Variants in TMC1 observed in about 807,000 individuals in gnomAD.
TMC1 encodes the protein transmembrane channel like 1, also known as transmembrane channel-like protein 1.
Under a neutral mutation model 105.8 loss-of-function variants are expected in TMC1, and 84 were observed. The ratio of observed to expected loss-of-function variants is 0.79; its 90% CI spans 0.67 to 0.95. TMC1 has a LOEUF of 0.95. Ranked by LOEUF, TMC1 falls within the 40% of genes least tolerant of loss-of-function variation. The pLI is 0.00. For missense variants in TMC1, 817 were observed against 914.1 expected (o/e 0.89, Z 1.37); for synonymous variants, 315 against 311.5 (o/e 1.01, Z -0.12).
At chr9:72,602,348 G>A (rs1285988960) in intron 2 of TMC1, among the ~76,000 whole-genome samples, 1 of 147,310 alleles carries the variant, frequency 6.8e-6, no homozygotes, top group Admixed American at 6.8e-5. Flanking sequence ...ATGACTTGCT[G>A]TGATTCTCCT....
At chr9:72,733,087 C>T (rs938018050) in intron 8 of TMC1, among the ~76,000 whole-genome samples, 1 of 152,076 alleles carries the variant, frequency 6.6e-6, no homozygotes. Context: ...GAATTTAATA[C>T]GATGTTGTCC....
chr9:72,653,136 C>A (rs940780738), intron 5 of TMC1, among the ~76,000 whole-genome samples: 3 of 152,148 alleles, frequency 2.0e-5, no homozygotes, highest in African/African-American at 7.2e-5. Flanking sequence ...ACAGTTCATT[C>A]AGCAAATAAT....
chr9:72,666,672 G>C (rs376057113), intron 5 of TMC1, among the ~76,000 whole-genome samples: 1 of 152,178 alleles, frequency 6.6e-6, no homozygotes. Context: ...AAGAGTTGAA[G>C]ACCAACAAAG....
chr9:72,713,932 G>A (rs1271470955), intron 8 of TMC1, among the ~76,000 whole-genome samples: 1 of 151,862 alleles, frequency 6.6e-6, no homozygotes, highest in Non-Finnish European at 1.5e-5. Flanking sequence ...TCAACATACT[G>A]CTTTCAATGT....
intron 4 of TMC1, among the ~76,000 whole-genome samples, chr9:72,644,353 G>A (rs1223091470): frequency 6.6e-6 from 1 of 151,782 alleles, no homozygotes; most frequent in South Asian, 2.1e-4. Context: ...CTAACCCATA[G>A]CCTTATGTGT....
At chr9:72,568,436 T>G (rs1374450029) in intron 1 of TMC1, among the ~76,000 whole-genome samples, 2 of 152,208 alleles carry the variant, frequency 1.3e-5, no homozygotes, top group Admixed American at 1.3e-4. Flanking sequence ...AGCAGAAAGA[T>G]TGCTTCAGGC....
chr9:72,799,985 G>A (rs143553130), intron 17 of TMC1, among the ~76,000 whole-genome samples: 95 of 152,230 alleles, frequency 6.2e-4, no homozygotes, highest in African/African-American at 2.0e-3. Context: ...GATGGAGGAA[G>A]GAGATTAAGA....
At chr9:72,602,309 C>T (rs1824830451) in intron 2 of TMC1, among the ~76,000 whole-genome samples, 1 of 150,338 alleles carries the variant, frequency 6.7e-6, no homozygotes, top group African/African-American at 2.5e-5. Context: ...TAGTGGTGAG[C>T]AAGAATTGAA....
intron 6 of TMC1, among the ~76,000 whole-genome samples, chr9:72,691,996 T>C (rs1826472825): frequency 6.6e-6 from 1 of 152,160 alleles, no homozygotes; most frequent in Admixed American, 6.5e-5. Flanking sequence ...CAGAAGCCAG[T>C]CCAGTCATTT....
At chr9:72,712,699 C>T (rs969708828) in intron 8 of TMC1, among the ~76,000 whole-genome samples, 2 of 152,178 alleles carry the variant, frequency 1.3e-5, no homozygotes, top group Admixed American at 6.5e-5. Context: ...AATATATAAT[C>T]ATGTCATCTG....
chr9:72,834,588 T>G (rs1227079501), intron 23 of TMC1, among the ~76,000 whole-genome samples: 1 of 152,192 alleles, frequency 6.6e-6, no homozygotes, highest in Non-Finnish European at 1.5e-5. Context: ...CTGGCAAATC[T>G]GTAGCACCTG....
intron 2 of TMC1, among the ~76,000 whole-genome samples, chr9:72,582,034 C>T (rs560731454): frequency 2.6e-5 from 4 of 152,200 alleles, no homozygotes; most frequent in South Asian, 4.2e-4. Flanking sequence ...CTCGGCTCAC[C>T]GCAACCTCCG....
At chr9:72,726,297 A>G (rs1017453470) in intron 8 of TMC1, among the ~76,000 whole-genome samples, 1 of 152,190 alleles carries the variant, frequency 6.6e-6, no homozygotes, top group African/African-American at 2.4e-5. Flanking sequence ...GTGCATGTAC[A>G]TATAATGTAT....
At chr9:72,819,177 C>G (rs1828833199) in intron 19 of TMC1, among the ~76,000 whole-genome samples, 1 of 152,150 alleles carries the variant, frequency 6.6e-6, no homozygotes. Flanking sequence ...GGAATAGGAT[C>G]CATCTGAAAC....
chr9:72,803,201 C>G (rs375468893), intron 17 of TMC1, among the ~76,000 whole-genome samples: 29 of 152,158 alleles, frequency 1.9e-4, no homozygotes, highest in East Asian at 1.4e-3. Flanking sequence ...GAAATGGGAC[C>G]CCGTCTATAC....
chr9:72,660,582 T>G (rs959530765), intron 5 of TMC1, among the ~76,000 whole-genome samples: 1 of 152,180 alleles, frequency 6.6e-6, no homozygotes, highest in Non-Finnish European at 1.5e-5. Context: ...AGATTTTGCA[T>G]ATAGATACAT....
At chr9:72,593,978 C>A (rs368132183) in intron 2 of TMC1, among the ~76,000 whole-genome samples, 1 of 152,000 alleles carries the variant, frequency 6.6e-6, no homozygotes, top group East Asian at 1.9e-4. Context: ...GCATCTATGA[C>A]GGGGAGAGGT....
At chr9:72,652,412 G>A (rs1243268944) in intron 5 of TMC1, among the ~76,000 whole-genome samples, 1 of 152,140 alleles carries the variant, frequency 6.6e-6, no homozygotes, top group East Asian at 1.9e-4. Context: ...AGGGAAGATG[G>A]CTAGATGGCT....
At chr9:72,674,082 G>A (rs1177786653) in intron 5 of TMC1, among the ~76,000 whole-genome samples, 2 of 152,166 alleles carry the variant, frequency 1.3e-5, no homozygotes, top group African/African-American at 2.4e-5. Context: ...CCTGACAAAA[G>A]TGGCTCAAGA....
Sources: allele counts gnomAD v4.1 joint callset (sites outside exome capture counted in the v4.1 genomes callset), GRCh38; gene constraint gnomAD v4.1.1; transcripts MANE v1.5; gene names NCBI Gene and HGNC (gene_info 2026-07-23, HGNC 2026-07-21).